Variants in KITLG observed in about 807,000 individuals in gnomAD.
KITLG encodes the protein c-Kit ligand.
Under a neutral mutation model 34.1 loss-of-function variants are expected in KITLG, and 13 were observed. The ratio of observed to expected loss-of-function variants is 0.38; its 90% CI spans 0.25 to 0.61. KITLG has a LOEUF of 0.61. Ranked by LOEUF, KITLG falls within the 20% of genes least tolerant of loss-of-function variation. KITLG has a pLI of 0.60. For missense variants in KITLG, 292 were observed against 318.9 expected, an observed-to-expected ratio of 0.92 and a Z score of 0.64; for synonymous variants, 110 against 104.0, an observed-to-expected ratio of 1.06 and a Z score of -0.35.
At chr12:88,569,345 A>G (rs1871565473) in intron 1 of KITLG, among the ~76,000 whole-genome samples, 1 of 152,196 alleles carries the variant, frequency 6.6e-6, no homozygotes, top group Non-Finnish European at 1.5e-5. Flanking sequence ...AAACAACTAC[A>G]TTACTCAGGA....
intron 1 of KITLG, among the ~76,000 whole-genome samples, chr12:88,577,566 G>GT (rs537429203): frequency 6.6e-5 from 10 of 152,222 alleles, no homozygotes; most frequent in African/African-American, 1.9e-4. Flanking sequence ...TGAAAGAGAT[G>GT]TTTTTTCTAA....
chr12:88,534,677 TA>T (rs745859448), intron 2 of KITLG: 1 of 515,220 alleles, frequency 1.9e-6, no homozygotes, highest in Non-Finnish European at 3.9e-6. Flanking sequence ...CATTGCTGCT[TA>T]TTGAAAACAC....
At chr12:88,516,803 T>TTTTTATTTTTTTTTTTTTTTTTGAGACGG (rs1363043801) in intron 4 of KITLG, among the ~76,000 whole-genome samples, 1 of 140,316 alleles carries the variant, frequency 7.1e-6, no homozygotes, top group Non-Finnish European at 1.5e-5. Flanking sequence ...GGTTTATTTT[T>TTTTTATTTTTTTTTTTTTTTTTGAGACGG]AAAAGACCCC....
chr12:88,559,092 AAAGTT>A (rs1224193546), intron 1 of KITLG, among the ~76,000 whole-genome samples: 3 of 152,332 alleles, frequency 2.0e-5, no homozygotes, highest in African/African-American at 7.2e-5. Flanking sequence ...AAAGATAAGA[AAAGTT>A]AAGTGTATTG....
intron 3 of KITLG, among the ~76,000 whole-genome samples, chr12:88,519,599 TTTTATTTA>T (rs532269679): frequency 6.6e-6 from 1 of 151,878 alleles, no homozygotes; most frequent in Non-Finnish European, 1.5e-5. Flanking sequence ...AAGTCAAGCC[TTTTATTTA>T]TTTATTTATT....
At chr12:88,526,614 C>T (rs1459265383) in intron 3 of KITLG, among the ~76,000 whole-genome samples, 2 of 152,130 alleles carry the variant, frequency 1.3e-5, no homozygotes, top group African/African-American at 4.8e-5. Context: ...TCTATTAAAT[C>T]ATCCCACAAA....
At chr12:88,520,705 A>G (rs369121544) in intron 3 of KITLG, among the ~76,000 whole-genome samples, 6 of 152,078 alleles carry the variant, frequency 3.9e-5, no homozygotes, top group Middle Eastern at 3.2e-3. Flanking sequence ...TAAAGTAGAA[A>G]ATGTTTTGTT....
intron 1 of KITLG, among the ~76,000 whole-genome samples, chr12:88,551,842 A>G (rs1265454632): frequency 1.3e-5 from 2 of 152,164 alleles, no homozygotes; most frequent in Admixed American, 6.5e-5. Context: ...TACGTTAAGA[A>G]CTAGAGATGA....
At chr12:88,516,211 C>G in intron 5 of KITLG, 123 bp downstream of exon 5, 1 of 835,744 alleles carries the variant, frequency 1.2e-6, no homozygotes, top group Non-Finnish European at 2.0e-6. Context: ...TTGATATCTG[C>G]TTTTTTATTA....
At chr12:88,525,477 T>C (rs750166427) in intron 3 of KITLG, among the ~76,000 whole-genome samples, 27 of 152,128 alleles carry the variant, frequency 1.8e-4, no homozygotes, top group Non-Finnish European at 4.0e-4. Flanking sequence ...GGTGAGGAGA[T>C]ACACAGGAGT....
intron 4 of KITLG, among the ~76,000 whole-genome samples, chr12:88,516,842 A>G (rs1437342658): frequency 6.9e-6 from 1 of 143,938 alleles, no homozygotes; most frequent in East Asian, 2.0e-4. Flanking sequence ...AGTCTTTAGA[A>G]AAAAAAAAAA....
Position 88,580,392 on chromosome 12 carries a change from G to A in KITLG, c.-114C>T. The stretch of plus-strand genomic sequence containing the variant: ...CGGCGGCAGATAGTCCACGCATTGG[G>A]TAGCCCGAGCGCAGCGCCCTCTCCA... On this transcript the variant is annotated 5_prime_UTR_variant, in exon 1 of 10. Coordinates refer to ENST00000644744, the MANE Select transcript of KITLG (RefSeq NM_000899.5). 1 of 1,249,526 alleles carries A rather than the reference G, an allele frequency of 8.0e-7. No individual in the cohort carries two copies. The highest frequency in any genetic ancestry group is 1.1e-6 in the Non-Finnish European group (1 of 870,312). 77.4% of individuals were successfully genotyped at this position (1,249,526 alleles called of 1,614,324 possible). A position where few individuals can be genotyped will look rare whatever the true frequency, so the allele number is the denominator to read the frequency against.
At chr12:88,500,602 T>C (rs1215460778) in intron 9 of KITLG, among the ~76,000 whole-genome samples, 1 of 152,222 alleles carries the variant, frequency 6.6e-6, no homozygotes, top group East Asian at 1.9e-4. Context: ...AAGTTTTTAA[T>C]GTAATCCATC....
intron 2 of KITLG, chr12:88,534,830 T>A (rs1467520761): frequency 2.7e-6 from 1 of 364,658 alleles, no homozygotes; most frequent in African/African-American, 2.2e-5. Context: ...TTCATCCTCA[T>A]CTTTGAAAGG....
intron 3 of KITLG, among the ~76,000 whole-genome samples, chr12:88,525,678 C>T (rs117102843): frequency 2.0e-5 from 3 of 152,124 alleles, no homozygotes; most frequent in African/African-American, 7.2e-5. Flanking sequence ...TCTATGTAAG[C>T]AATATATGAT....
intron 2 of KITLG, among the ~76,000 whole-genome samples, chr12:88,535,048 T>C (rs1870257864): frequency 6.6e-6 from 1 of 152,148 alleles, no homozygotes; most frequent in African/African-American, 2.4e-5. Context: ...TTCTTAAGCA[T>C]AATTTATATT....
intron 1 of KITLG, among the ~76,000 whole-genome samples, chr12:88,574,130 T>C (rs1871747168): frequency 6.6e-6 from 1 of 151,736 alleles, no homozygotes; most frequent in African/African-American, 2.4e-5. Flanking sequence ...AGTGGATAGC[T>C]CAGTGGGCAA....
At chr12:88,514,841 T>G (rs1053136856) in intron 6 of KITLG, among the ~76,000 whole-genome samples, 1 of 151,718 alleles carries the variant, frequency 6.6e-6, no homozygotes, top group South Asian at 2.1e-4. Context: ...GGATGACTTT[T>G]TTAGCCTAGA....
At chr12:88,562,506 T>G (rs1170811172) in intron 1 of KITLG, among the ~76,000 whole-genome samples, 1 of 152,208 alleles carries the variant, frequency 6.6e-6, no homozygotes, top group Non-Finnish European at 1.5e-5. Context: ...ATGGCAGGTG[T>G]GAAGAAGCCC....
Sources: gnomAD v4.1 joint callset for allele counts (sites outside exome capture counted in the v4.1 genomes callset) on GRCh38, gnomAD v4.1.1 for gene constraint, MANE v1.5 for transcripts, NCBI Gene and HGNC (gene_info 2026-07-23, HGNC 2026-07-21) for gene names.